PIAS1: variants seen among roughly 807,000 people sequenced by gnomAD.
PIAS1 encodes the protein E3 SUMO-protein ligase PIAS1.
Under a neutral mutation model 71.3 loss-of-function variants are expected in PIAS1, and 6 were observed. That is an observed-to-expected ratio of 0.08 (90% confidence interval 0.05 to 0.17). The LOEUF (loss-of-function observed/expected upper bound fraction) is 0.17, where lower values mean the gene tolerates loss of function less well. Ranked by LOEUF, PIAS1 falls within the 10% of genes least tolerant of loss-of-function variation. The pLI, the probability that PIAS1 is intolerant of heterozygous loss-of-function variation, is 1.00. For synonymous variants in PIAS1, 303 were observed against 292.9 expected, an observed-to-expected ratio of 1.03 and a Z score of -0.35; for missense variants, 555 against 793.6, an observed-to-expected ratio of 0.70 and a Z score of 3.61.
At position 68,146,488 on chromosome 15, in the gene PIAS1, G is replaced by A. The variant is rs140432376; in HGVS notation, c.694-78G>A. The A allele has an allele frequency of 1.1e-3, 1,117 of 1,031,848 alleles. 7 individuals are homozygous for A. The African/African-American group carries it at 0.016, about 15-fold the overall frequency. The allele number at this position is 1,031,848 out of a possible 1,614,324, so 63.9% of individuals were successfully genotyped here. A position where few individuals can be genotyped will look rare whatever the true frequency, so the allele number is the denominator to read the frequency against. ...CATATTTTCTAGTATGCAGTTTGTA[G>A]GGGGTTTTTTCTTAAGGAATGGAAG... On this transcript the variant is annotated intron_variant, in intron 5 of 13. Coordinates refer to ENST00000249636, the MANE Select transcript of PIAS1 (RefSeq NM_016166.3).
chr15:68,086,205 CTTA>C lies in PIAS1; in HGVS notation c.25-100_25-98del. On this transcript the variant is annotated intron_variant, in intron 1 of 13. Transcript: ENST00000249636. This position sits in a 1 kb window ranked among gnomAD's most constrained non-coding sequence, Gnocchi z 7.2. The stretch of plus-strand genomic sequence containing the variant: ...TTATAAGTGAGCTGGCCTTTATTTG[CTTA>C]AGTAAACCATAAGAAGGGGGTTATA... 3 of 796,674 alleles carry C rather than the reference CTTA, an allele frequency of 3.8e-6. No individual in the cohort carries two copies. In the South Asian group the frequency reaches 6.1e-5, roughly 16 times the overall value. 49.4% of individuals were successfully genotyped at this position (796,674 alleles called of 1,614,324 possible).
chr15:68,175,736 G>T lies in PIAS1; in HGVS notation c.1269G>T (p.Gln423His). 6.2e-7 allele frequency: 1 copy of T among 1,607,088 alleles called. No individual in the cohort carries two copies. Among genetic ancestry groups the T allele is most frequent in the South Asian group, 1.1e-5 (1 of 89,824 alleles). The stretch of plus-strand genomic sequence containing the variant: ...CGATGAGATCAAAAAAGGAAGTACA[G>T]GAAGTTTCTGCCTCTTACAATGGAG... ...WAPMRSKKEV[Q>H]EVSASYNGVD... Residue 423 changes from glutamine to histidine, a missense_variant, in exon 10 of 14, where the codon CAG becomes CAT. By Grantham distance (24) the Gln-to-His change is conservative. Coordinates refer to ENST00000249636, the MANE Select transcript of PIAS1 (RefSeq NM_016166.3).
rs766515405 is a variant in PIAS1 at position 68,142,308 on chromosome 15, A to G, written c.573A>G (p.Lys191=). ...CTTCTAGGGATATTTCTGGGACCAA[A>G]TGTGACTTCACAGTACAGGTCCAGT... ...ISSSMDISGT[K]CDFTVQVQLR... is the part of the protein sequence containing the mutation. Residue 191 remains lysine, a synonymous_variant, in exon 4 of 14, where the codon AAA becomes AAG. Transcript: ENST00000249636. The G allele has an allele frequency of 6.2e-7, 1 of 1,605,950 alleles. No individual in the cohort carries two copies. The highest frequency in any genetic ancestry group is 2.2e-5 in the East Asian group (1 of 44,744).
chr15:68,093,848 T>C lies in PIAS1; in HGVS notation c.469+7098T>C, dbSNP rs547873006. On this transcript the variant is annotated intron_variant, in intron 2 of 13. Transcript: ENST00000249636. ...TGTCTGTTTTTTCACCAAAAATTAT[T>C]TAAAATTTTGAAATTATCTGTAAAG... Among the ~76,000 whole-genome samples, 3 of 152,328 alleles carry C rather than the reference T, an allele frequency of 2.0e-5. No individual in the cohort carries two copies. In the East Asian group the frequency reaches 5.8e-4, roughly 29 times the overall value.
chr15:68,081,372 T>G (rs561869773), intron 1 of PIAS1, among the ~76,000 whole-genome samples: 1 of 152,196 alleles, frequency 6.6e-6, no homozygotes, highest in Non-Finnish European at 1.5e-5. Context: ...TGCCCAGTCA[T>G]TCTAGATGAA....
rs773841878 is a variant in PIAS1 at position 68,185,689 on chromosome 15, C to T, written c.1663-1853C>T. ...TTTAAAAACATGGGCCCTGGCTGGG[C>T]GCTGTGGCTTACACCTATAATCCCA... is the stretch of plus-strand genomic sequence containing the variant. On this transcript the variant is annotated intron_variant, in intron 13 of 13. Transcript: ENST00000249636. The surrounding 1 kb of genome is among the most constrained non-coding windows in gnomAD (Gnocchi z 4.4). Among the ~76,000 whole-genome samples the T allele has an allele frequency of 4.6e-5, 7 of 151,828 alleles. No homozygotes were observed. Among genetic ancestry groups the T allele is most frequent in the East Asian group, 1.9e-4 (1 of 5,152 alleles).
rs145869668 is a variant in PIAS1, at chr15:68,095,102, C to A, written c.469+8352C>A. On this transcript the variant is annotated intron_variant, in intron 2 of 13. Coordinates refer to ENST00000249636, the MANE Select transcript of PIAS1 (RefSeq NM_016166.3). The stretch of plus-strand genomic sequence containing the variant: ...GAATCAGTGAAAGAACCACTCTATA[C>A]AATTATAATTATGAAATAATTTTTT... 7.4e-4 allele frequency among the ~76,000 whole-genome samples: 112 copies of A among 152,114 alleles called. 1 individual carries two copies. The highest frequency in any genetic ancestry group is 2.5e-3 in the African/African-American group (105 of 41,492).
intron 2 of PIAS1, among the ~76,000 whole-genome samples, chr15:68,096,264 C>T (rs1457766599): frequency 6.6e-6 from 1 of 152,110 alleles, no homozygotes; most frequent in African/African-American, 2.4e-5. Flanking sequence ...TGTTTCTGGG[C>T]TCACTATTCT....
At chr15:68,181,067 A>G (rs1252200139) in intron 11 of PIAS1, 145 bp from the exon 12 acceptor site, 1 of 635,566 alleles carries the variant, frequency 1.6e-6, no homozygotes. Flanking sequence ...ATTGTGTATA[A>G]TCTAAATTAT....
chr15:68,111,835 A>G (rs2092525306), intron 2 of PIAS1, among the ~76,000 whole-genome samples: 1 of 152,180 alleles, frequency 6.6e-6, no homozygotes, highest in Admixed American at 6.5e-5. Flanking sequence ...ACATATTTTA[A>G]TATAGAAAGG....
rs2093103562 is a variant in PIAS1, at chr15:68,188,699, C to T, written c.*864C>T. 2 of 152,194 alleles carry T rather than the reference C, an allele frequency of 1.3e-5. No homozygotes were observed. The highest frequency in any genetic ancestry group is 1.3e-4 in the Admixed American group (2 of 15,276). The allele number at this position is 152,194 out of a possible 1,614,324, so 9.4% of individuals were successfully genotyped here. A position where few individuals can be genotyped will look rare whatever the true frequency, so the allele number is the denominator to read the frequency against. On this transcript the variant is annotated 3_prime_UTR_variant, in exon 14 of 14. Coordinates refer to ENST00000249636, the MANE Select transcript of PIAS1 (RefSeq NM_016166.3). ...GCTTAGCCGACCTATGAATAATACA[C>T]TTTAGTCTAGTTCTTTATTCTAAAT...
rs190335217 is a variant in PIAS1 at position 68,173,227 on chromosome 15, C to T, written c.1009-505C>T. 6.6e-6 allele frequency among the ~76,000 whole-genome samples: 1 copy of T among 152,108 alleles called. No homozygotes were observed. Among genetic ancestry groups the T allele is most frequent in the Non-Finnish European group, 1.5e-5 (1 of 68,016 alleles). The stretch of plus-strand genomic sequence containing the variant: ...GAGAAAAGCCGGGCACAGTGGTGTG[C>T]GCCTGTATCCCCAGCTACTCTGGAG... On this transcript the variant is annotated intron_variant, in intron 8 of 13. Transcript: ENST00000249636. The surrounding 1 kb of genome is among the most constrained non-coding windows in gnomAD (Gnocchi z 4.3).
intron 7 of PIAS1, among the ~76,000 whole-genome samples, chr15:68,155,461 AAAAAAAAAAAACC>A (rs1241736407): frequency 6.6e-6 from 1 of 151,226 alleles, no homozygotes. Context: ...AAAAAAAAAA[AAAAAAAAAAAACC>A]AAAAACTTTC....
intron 2 of PIAS1, among the ~76,000 whole-genome samples, chr15:68,103,482 A>G (rs1222556253): frequency 6.6e-6 from 1 of 152,104 alleles, no homozygotes; most frequent in Non-Finnish European, 1.5e-5. Flanking sequence ...ACCACAAAAT[A>G]TATTCCTTTA....
Position 68,167,157 on chromosome 15 carries a change from T to C in PIAS1, c.1008+2353T>C, listed in dbSNP as rs2040700849. On this transcript the variant is annotated intron_variant, in intron 8 of 13. Coordinates refer to ENST00000249636, the MANE Select transcript of PIAS1 (RefSeq NM_016166.3). The surrounding 1 kb of genome is among the most constrained non-coding windows in gnomAD (Gnocchi z 4.4). The stretch of plus-strand genomic sequence containing the variant: ...TTAAATTGACATCTGCTTTAAAAAT[T>C]CAGATTATAAAACAAAACAACTATA... 6.6e-6 allele frequency among the ~76,000 whole-genome samples: 1 copy of C among 151,748 alleles called. No individual in the cohort carries two copies. The highest frequency in any genetic ancestry group is 2.4e-5 in the African/African-American group (1 of 41,272).
chr15:68,169,067 G>A (rs2092974519), intron 8 of PIAS1, among the ~76,000 whole-genome samples: 1 of 152,198 alleles, frequency 6.6e-6, no homozygotes, highest in South Asian at 2.1e-4. Context: ...ACGATCAGAA[G>A]TAGTCTGATA....
At chr15:68,063,794 G>A (rs1028098712) in intron 1 of PIAS1, among the ~76,000 whole-genome samples, 5 of 151,764 alleles carry the variant, frequency 3.3e-5, no homozygotes, top group Non-Finnish European at 7.4e-5. Context: ...CATTATTTAC[G>A]TGCTGACATT....
chr15:68,116,569 ATTTGATTAT>A (rs2092566530), intron 2 of PIAS1, among the ~76,000 whole-genome samples: 1 of 151,920 alleles, frequency 6.6e-6, no homozygotes, highest in Non-Finnish European at 1.5e-5. Context: ...TTGTTTTTCA[ATTTGATTAT>A]TTTCTGCTCT....
At chr15:68,058,187 C>G (rs145988447) in intron 1 of PIAS1, among the ~76,000 whole-genome samples, 218 of 152,262 alleles carry the variant, frequency 1.4e-3, no homozygotes, top group Non-Finnish European at 2.5e-3. Context: ...TGAGATGTAG[C>G]CTTTCAAAAC....
Sources: gnomAD v4.1 joint callset for allele counts (sites outside exome capture counted in the v4.1 genomes callset) on GRCh38, gnomAD v4.1.1 for gene constraint, Gnocchi (gnomAD v3.1) non-coding constraint, MANE v1.5 for transcripts, NCBI Gene and HGNC (gene_info 2026-07-23, HGNC 2026-07-21) for gene names.